The following NFIB variants were observed in gnomAD, a reference collection of about 807,000 sequenced individuals.
NFIB encodes the protein nuclear factor I B.
A neutral mutation model predicts 61.5 loss-of-function variants in NFIB; 11 were observed. The ratio of observed to expected loss-of-function variants is 0.18; its 90% CI spans 0.11 to 0.30. The LOEUF is 0.30. Ranked by LOEUF, NFIB falls within the 10% of genes least tolerant of loss-of-function variation. NFIB has a pLI of 1.00. For missense variants in NFIB, 471 were observed against 608.9 expected, an observed-to-expected ratio of 0.77 and a Z score of 2.38; for synonymous variants, 260 against 216.5, an observed-to-expected ratio of 1.20 and a Z score of -1.76.
At chr9:14,138,217 T>A (rs77408202) in intron 6 of NFIB, among the ~76,000 whole-genome samples, 10,904 of 152,172 alleles carry the variant, frequency 0.072, 531 homozygotes, top group Non-Finnish European at 0.11. Flanking sequence ...GCCAAGCACC[T>A]GACAGAAAGG....
intron 3 of NFIB, among the ~76,000 whole-genome samples, chr9:14,176,033 C>T (rs1234947282): frequency 6.6e-6 from 1 of 152,106 alleles, no homozygotes; most frequent in Non-Finnish European, 1.5e-5. Flanking sequence ...AATGTAGACA[C>T]ACAAAATAAT....
chr9:14,525,041 A>G, the NFIB span, among the ~76,000 whole-genome samples: 2 of 152,238 alleles, frequency 1.3e-5, no homozygotes, highest in South Asian at 4.1e-4. Context: ...CAGATGGCTT[A>G]TGACTATAGC....
chr9:14,168,494 C>T (rs1451699596), intron 3 of NFIB, among the ~76,000 whole-genome samples: 2 of 152,160 alleles, frequency 1.3e-5, no homozygotes, highest in Non-Finnish European at 2.9e-5. Flanking sequence ...CAGCACACGG[C>T]TAACGCTAAA....
chr9:14,091,118 C>T (rs2033830023), intron 10 of NFIB, among the ~76,000 whole-genome samples: 1 of 151,710 alleles, frequency 6.6e-6, no homozygotes, highest in South Asian at 2.1e-4. Flanking sequence ...TGTTTATGAA[C>T]CTTTGGGGGA....
intron 10 of NFIB, among the ~76,000 whole-genome samples, chr9:14,112,735 C>T (rs1037860448): frequency 6.6e-6 from 1 of 152,174 alleles, no homozygotes; most frequent in Admixed American, 6.5e-5. Context: ...GAGAAAAATA[C>T]ACTTTGGCTG....
At chr9:14,270,026 C>A (rs10961456) in intron 2 of NFIB, among the ~76,000 whole-genome samples, 1 of 152,132 alleles carries the variant, frequency 6.6e-6, no homozygotes, top group Non-Finnish European at 1.5e-5. Context: ...CTCCATCCAG[C>A]AAGTTATTCA....
chr9:14,185,085 A>T (rs909231781), intron 2 of NFIB, among the ~76,000 whole-genome samples: 1 of 19,750 alleles, frequency 5.1e-5, no homozygotes, highest in Non-Finnish European at 2.8e-3. Flanking sequence ...ATATTGTTTT[A>T]AAAAAAGTAT....
At chr9:14,424,984 C>G in the NFIB span, among the ~76,000 whole-genome samples, 1 of 152,118 alleles carries the variant, frequency 6.6e-6, no homozygotes, top group African/African-American at 2.4e-5. Flanking sequence ...ATCTCCCCCC[C>G]TGGGCCTTTG....
At chr9:14,353,300 A>G (rs1337797594) in intron 1 of NFIB, among the ~76,000 whole-genome samples, 1 of 152,072 alleles carries the variant, frequency 6.6e-6, no homozygotes, top group Non-Finnish European at 1.5e-5. Flanking sequence ...GATAGATGTG[A>G]CAGTTCTTCT....
At chr9:14,291,551 A>G (rs147307989) in intron 2 of NFIB, among the ~76,000 whole-genome samples, 224 of 152,174 alleles carry the variant, frequency 1.5e-3, no homozygotes, top group Non-Finnish European at 2.6e-3. Context: ...TGTAAATTTC[A>G]TATGTTTTAT....
upstream of NFIB, among the ~76,000 whole-genome samples, chr9:14,318,441 T>C (rs982892593): frequency 2.1e-4 from 32 of 150,220 alleles, no homozygotes; most frequent in African/African-American, 7.6e-4. Context: ...TTGCAAATCC[T>C]GGGCAGTTTC....
chr9:14,310,233 C>T (rs1263596667), intron 1 of NFIB, among the ~76,000 whole-genome samples: 1 of 152,142 alleles, frequency 6.6e-6, no homozygotes, highest in Admixed American at 6.5e-5. Context: ...TCAATGCTGC[C>T]AATATTGTTT....
chr9:14,222,306 C>G (rs2051771665), intron 2 of NFIB, among the ~76,000 whole-genome samples: 1 of 152,142 alleles, frequency 6.6e-6, no homozygotes, highest in African/African-American at 2.4e-5. Context: ...TTCCTGCACC[C>G]TCATCTACAA....
intron 1 of NFIB, among the ~76,000 whole-genome samples, chr9:14,342,289 T>C (rs2060961281): frequency 6.6e-6 from 1 of 152,152 alleles, no homozygotes; most frequent in Non-Finnish European, 1.5e-5. Context: ...TAGACTACTA[T>C]AGGGTCTGCA....
chr9:14,414,099 C>A, the NFIB span, among the ~76,000 whole-genome samples: 1 of 152,056 alleles, frequency 6.6e-6, no homozygotes. Context: ...TCTAGTGAGG[C>A]ACATGCCATG....
chr9:14,358,106 C>G (rs146872908), intron 1 of NFIB, among the ~76,000 whole-genome samples: 1 of 151,798 alleles, frequency 6.6e-6, no homozygotes, highest in Admixed American at 6.6e-5. Context: ...TGTTAAAAAC[C>G]ATTGCATTTT....
intron 10 of NFIB, among the ~76,000 whole-genome samples, chr9:14,105,016 G>C (rs1177949619): frequency 6.6e-6 from 1 of 152,100 alleles, no homozygotes; most frequent in Non-Finnish European, 1.5e-5. Context: ...GACAACTGTA[G>C]GACCACATCT....
intron 1 of NFIB, among the ~76,000 whole-genome samples, chr9:14,375,974 A>G (rs1384685651): frequency 1.3e-5 from 2 of 152,218 alleles, no homozygotes; most frequent in East Asian, 3.8e-4. Flanking sequence ...TCTGCTGTGC[A>G]TTATCTCAGA....
chr9:14,318,943 C>A (rs958237074), upstream of NFIB, among the ~76,000 whole-genome samples: 42 of 152,084 alleles, frequency 2.8e-4, no homozygotes, highest in African/African-American at 7.5e-4. Flanking sequence ...AAACAAAAAA[C>A]AAAATCATAC....
Sources: gnomAD v4.1 joint callset for allele counts (sites outside exome capture counted in the v4.1 genomes callset) on GRCh38, gnomAD v4.1.1 for gene constraint, MANE v1.5 for transcripts, NCBI Gene and HGNC (gene_info 2026-07-23, HGNC 2026-07-21) for gene names.